NFIA: variants seen among roughly 807,000 people sequenced by gnomAD.
NFIA encodes the protein nuclear factor I A.
In NFIA, 8 loss-of-function variants were observed where a neutral mutation model predicts 62.8. That is an observed-to-expected ratio of 0.13 (90% CI 0.07 to 0.23). The LOEUF is 0.23. Ranked by LOEUF, NFIA falls within the 10% of genes least tolerant of loss-of-function variation. NFIA has a pLI of 1.00. For synonymous variants in NFIA, 235 were observed against 238.1 expected (o/e 0.99, Z 0.12); for missense variants, 410 against 642.1 (o/e 0.64, Z 3.91).
At chr1:61,153,387 T>C (rs1036718599) in intron 2 of NFIA, among the ~76,000 whole-genome samples, 2 of 146,160 alleles carry the variant, frequency 1.4e-5, no homozygotes, top group Non-Finnish European at 3.0e-5. Context: ...GGTTAGCCGT[T>C]GATGCCTTTG....
intron 2 of NFIA, among the ~76,000 whole-genome samples, chr1:61,229,055 G>T (rs569312322): frequency 4.0e-5 from 6 of 151,570 alleles, no homozygotes; most frequent in Admixed American, 3.9e-4. Flanking sequence ...ACAAATTATT[G>T]TCTTTCATAT....
chr1:61,408,315 C>T (rs940269642), intron 9 of NFIA, among the ~76,000 whole-genome samples: 13 of 152,228 alleles, frequency 8.5e-5, no homozygotes, highest in African/African-American at 2.9e-4. Context: ...AGAAGGAAAG[C>T]CTCTGCTTCT....
intron 10 of NFIA, among the ~76,000 whole-genome samples, chr1:61,444,490 T>G (rs961405302): frequency 6.6e-6 from 1 of 152,198 alleles, no homozygotes. Context: ...AGGGAGCACA[T>G]GTAAATGAGG....
At chr1:61,379,229 G>A (rs1664290828) in intron 6 of NFIA, among the ~76,000 whole-genome samples, 1 of 151,724 alleles carries the variant, frequency 6.6e-6, no homozygotes, top group African/African-American at 2.4e-5. Flanking sequence ...TTAGAATTCT[G>A]AGTACCACAA....
rs1428626059 is a variant in NFIA, at chr1:61,455,420, A to G, written c.*100A>G. The G allele has an allele frequency of 6.3e-6, 10 of 1,593,156 alleles. No individual in the cohort carries two copies. The highest frequency in any genetic ancestry group is 2.2e-5 in the East Asian group (1 of 44,742). On this transcript the variant is annotated 3_prime_UTR_variant, in exon 11 of 11. Transcript: ENST00000403491. ...AACCCAGCGCAGTTACAACTTCACT[A>G]TCAGCGGAAGGGGAGAAAAACCGAT...
At chr1:61,159,518 A>AGTAGG (rs1444315558) in intron 2 of NFIA, among the ~76,000 whole-genome samples, 1 of 152,128 alleles carries the variant, frequency 6.6e-6, no homozygotes, top group East Asian at 1.9e-4. Context: ...CCACACCCTG[A>AGTAGG]GTAGCAAGGG....
chr1:61,323,892 C>T (rs1353706714), intron 3 of NFIA, among the ~76,000 whole-genome samples: 1 of 152,110 alleles, frequency 6.6e-6, no homozygotes, highest in Non-Finnish European at 1.5e-5. Flanking sequence ...TAATGAGACC[C>T]AACCCTCCCC....
At chr1:61,140,203 A>G (rs1647399141) in intron 2 of NFIA, among the ~76,000 whole-genome samples, 1 of 152,026 alleles carries the variant, frequency 6.6e-6, no homozygotes, top group Admixed American at 6.6e-5. Context: ...CTTCCTTTAC[A>G]CTTTTCTGTA....
intron 3 of NFIA, among the ~76,000 whole-genome samples, chr1:61,287,793 C>A (rs1658602608): frequency 6.6e-6 from 1 of 152,152 alleles, no homozygotes. Flanking sequence ...TGTATTTTAT[C>A]TGGCAACCAG....
intron 3 of NFIA, among the ~76,000 whole-genome samples, chr1:61,313,491 C>A (rs1392871731): frequency 1.3e-5 from 2 of 152,140 alleles, no homozygotes; most frequent in Admixed American, 6.5e-5. Flanking sequence ...GAGGACAACA[C>A]CAAGAATATG....
intron 4 of NFIA, among the ~76,000 whole-genome samples, chr1:61,337,615 T>G (rs998879027): frequency 1.8e-4 from 28 of 152,202 alleles, no homozygotes; most frequent in African/African-American, 6.5e-4. Flanking sequence ...TAAAGTTGTT[T>G]TAGCATAATA....
chr1:61,455,442 C>T lies in NFIA; in HGVS notation c.*122C>T, dbSNP rs548474803. 1.3e-5 allele frequency: 20 copies of T among 1,492,042 alleles called. No individual in the cohort carries two copies. The highest frequency in any genetic ancestry group is 1.3e-4 in the African/African-American group (9 of 71,836). 92.4% of individuals were successfully genotyped at this position (1,492,042 alleles called of 1,614,324 possible). Reference sequence around the variant, plus strand: ...ACTATCAGCGGAAGGGGAGAAAAACCGATTCAAATCAACTTGTACATGGAA... The same window carrying T: ...ACTATCAGCGGAAGGGGAGAAAAACTGATTCAAATCAACTTGTACATGGAA... On this transcript the variant is annotated 3_prime_UTR_variant, in exon 11 of 11. Transcript: ENST00000403491.
chr1:61,329,586 T>C (rs1661179997), intron 3 of NFIA, among the ~76,000 whole-genome samples: 1 of 151,890 alleles, frequency 6.6e-6, no homozygotes, highest in Non-Finnish European at 1.5e-5. Context: ...TTCACTATGT[T>C]GGCCAAGCTG....
intron 2 of NFIA, among the ~76,000 whole-genome samples, chr1:61,218,890 T>C (rs1333555657): frequency 6.6e-6 from 1 of 152,200 alleles, no homozygotes; most frequent in African/African-American, 2.4e-5. Context: ...AAAAGCAGCA[T>C]TAACTTGTGT....
intron 2 of NFIA, among the ~76,000 whole-genome samples, chr1:61,253,718 C>T (rs1439913263): frequency 6.6e-6 from 1 of 152,130 alleles, no homozygotes; most frequent in Admixed American, 6.5e-5. Flanking sequence ...CCAAAGAGAC[C>T]TCAATTTTTG....
chr1:61,196,823 C>A (rs1453006906), intron 2 of NFIA, among the ~76,000 whole-genome samples: 1 of 151,950 alleles, frequency 6.6e-6, no homozygotes, highest in African/African-American at 2.4e-5. Flanking sequence ...AAATCGACTT[C>A]TCTGCATACT....
chr1:61,364,769 C>G (rs1340319695), intron 6 of NFIA, among the ~76,000 whole-genome samples: 1 of 152,120 alleles, frequency 6.6e-6, no homozygotes, highest in Non-Finnish European at 1.5e-5. Flanking sequence ...TATAGACAAC[C>G]TCCCTGACTT....
chr1:61,355,215 G>A (rs909371181), intron 5 of NFIA, among the ~76,000 whole-genome samples: 3 of 152,094 alleles, frequency 2.0e-5, no homozygotes, highest in African/African-American at 7.2e-5. Context: ...TCCTTTTCGT[G>A]TAGATCTTAC....
At chr1:61,382,555 T>C (rs1664471711) in intron 6 of NFIA, among the ~76,000 whole-genome samples, 2 of 152,190 alleles carry the variant, frequency 1.3e-5, no homozygotes, top group Admixed American at 1.3e-4. Flanking sequence ...TTCAATGGTG[T>C]CATAGTATAA....
Sources: gnomAD v4.1 joint callset for allele counts (sites outside exome capture counted in the v4.1 genomes callset) on GRCh38, gnomAD v4.1.1 for gene constraint, MANE v1.5 for transcripts, NCBI Gene and HGNC (gene_info 2026-07-23, HGNC 2026-07-21) for gene names.